Variants in WDPCP observed in about 807,000 individuals in gnomAD.
WDPCP encodes the protein WD repeat-containing and planar cell polarity effector protein fritz homolog.
WDPCP carries 71 observed loss-of-function variants against 93.1 expected under a neutral mutation model. That is an observed-to-expected ratio of 0.76 (90% confidence interval 0.63 to 0.93). WDPCP has a LOEUF of 0.93. Ranked by LOEUF, WDPCP falls within the 40% of genes least tolerant of loss-of-function variation. The pLI is 0.00. For missense variants in WDPCP, 844 were observed against 887.4 expected (o/e 0.95, Z 0.62); for synonymous variants, 315 against 315.0 (o/e 1.00, Z 0.00).
At chr2:63,292,948 T>G (rs996760985) in intron 13 of WDPCP, among the ~76,000 whole-genome samples, 1 of 152,312 alleles carries the variant, frequency 6.6e-6, no homozygotes, top group African/African-American at 2.4e-5. Context: ...GGTGGGCAAC[T>G]GTGCACACCT....
intron 13 of WDPCP, among the ~76,000 whole-genome samples, chr2:63,305,932 G>A (rs960964192): frequency 6.6e-6 from 1 of 151,986 alleles, no homozygotes; most frequent in African/African-American, 2.4e-5. Flanking sequence ...AGACACAAAT[G>A]ACCCTTCAAA....
intron 6 of WDPCP, among the ~76,000 whole-genome samples, chr2:63,448,890 T>C (rs72821619): frequency 0.049 from 7,521 of 152,204 alleles, 260 homozygotes; most frequent in East Asian, 0.089. Flanking sequence ...GGTCAAAAGG[T>C]ACAAAGTTTT....
intron 1 of WDPCP, among the ~76,000 whole-genome samples, chr2:63,575,606 C>T (rs116166980): frequency 0.025 from 3,609 of 144,728 alleles, 68 homozygotes; most frequent in South Asian, 0.04. Context: ...AGTATATATA[C>T]GGTATACTAC....
intron 2 of WDPCP, among the ~76,000 whole-genome samples, chr2:63,676,996 C>T (rs368303309): frequency 6.6e-6 from 1 of 152,038 alleles, no homozygotes; most frequent in African/African-American, 2.4e-5. Flanking sequence ...CCTGTGAATC[C>T]ATAATTATTT....
intron 6 of WDPCP, among the ~76,000 whole-genome samples, chr2:63,458,637 A>T (rs1299829601): frequency 6.6e-6 from 1 of 152,200 alleles, no homozygotes; most frequent in Non-Finnish European, 1.5e-5. Context: ...GGATTAAAAG[A>T]ATTAACATAG....
At chr2:63,422,487 C>T (rs1188150235) in intron 9 of WDPCP, among the ~76,000 whole-genome samples, 1 of 152,136 alleles carries the variant, frequency 6.6e-6, no homozygotes, top group East Asian at 1.9e-4. Flanking sequence ...AATAAACAGA[C>T]ATTTGTCCTG....
intron 2 of WDPCP, among the ~76,000 whole-genome samples, chr2:63,741,917 T>C (rs895135850): frequency 1.3e-5 from 2 of 152,062 alleles, no homozygotes; most frequent in Non-Finnish European, 2.9e-5. Context: ...ATACAACAGC[T>C]GGTGGTTAAT....
intron 12 of WDPCP, among the ~76,000 whole-genome samples, chr2:63,360,269 T>C (rs1690347347): frequency 6.6e-6 from 1 of 152,228 alleles, no homozygotes; most frequent in Admixed American, 6.5e-5. Flanking sequence ...TGTGTCTTGT[T>C]ATAATTGCAG....
At chr2:63,760,242 A>G (rs1397748677) in intron 2 of WDPCP, among the ~76,000 whole-genome samples, 2 of 152,174 alleles carry the variant, frequency 1.3e-5, no homozygotes, top group East Asian at 3.9e-4. Context: ...ATGAGGCCTT[A>G]TGAGACTGCA....
At chr2:63,211,850 AGTGGAATAAAGG>A (rs1559207466) in intron 14 of WDPCP, among the ~76,000 whole-genome samples, 1 of 152,202 alleles carries the variant, frequency 6.6e-6, no homozygotes, top group Non-Finnish European at 1.5e-5. Flanking sequence ...AATTCGATCA[AGTGGAATAAAGG>A]GTATCAGTGA....
chr2:63,755,246 C>T (rs1669945111), intron 2 of WDPCP, among the ~76,000 whole-genome samples: 1 of 152,180 alleles, frequency 6.6e-6, no homozygotes, highest in South Asian at 2.1e-4. Context: ...TATACAGGGA[C>T]CATGAGCCAA....
intron 13 of WDPCP, among the ~76,000 whole-genome samples, chr2:63,311,329 TA>T (rs1185799135): frequency 6.6e-6 from 1 of 152,170 alleles, no homozygotes; most frequent in Non-Finnish European, 1.5e-5. Flanking sequence ...GACCTCTGGC[TA>T]GATGAAATTT....
chr2:63,392,594 C>T (rs1377366297), intron 10 of WDPCP, among the ~76,000 whole-genome samples: 1 of 152,162 alleles, frequency 6.6e-6, no homozygotes, highest in Non-Finnish European at 1.5e-5. Flanking sequence ...TTAGAGTGAA[C>T]AGGCAACCTA....
chr2:63,360,515 C>A (rs968068842), intron 12 of WDPCP, among the ~76,000 whole-genome samples: 72 of 152,294 alleles, frequency 4.7e-4, no homozygotes, highest in African/African-American at 1.7e-3. Context: ...ACAGAGATTT[C>A]TCTTAGACAT....
chr2:63,316,443 A>G (rs1391896723), intron 12 of WDPCP, among the ~76,000 whole-genome samples: 1 of 152,110 alleles, frequency 6.6e-6, no homozygotes, highest in African/African-American at 2.4e-5. Flanking sequence ...ACTTGAGGCT[A>G]AAAGTTCAAG....
intron 10 of WDPCP, among the ~76,000 whole-genome samples, chr2:63,389,390 C>T (rs527559011): frequency 1.3e-5 from 2 of 152,258 alleles, no homozygotes; most frequent in African/African-American, 4.8e-5. Context: ...ACAAGAGCTC[C>T]TAAAGGAAGC....
intron 14 of WDPCP, among the ~76,000 whole-genome samples, chr2:63,231,156 A>T (rs1678837738): frequency 6.6e-6 from 1 of 152,162 alleles, no homozygotes; most frequent in African/African-American, 2.4e-5. Flanking sequence ...CCACATGTAA[A>T]CTAGGTATTC....
intron 2 of WDPCP, among the ~76,000 whole-genome samples, chr2:63,714,350 G>C (rs997262180): frequency 2.0e-5 from 3 of 151,988 alleles, no homozygotes; most frequent in African/African-American, 4.8e-5. Context: ...TTACAGGCTT[G>C]AGCCACCGCG....
At chr2:63,327,711 A>G (rs1303056489) in intron 12 of WDPCP, among the ~76,000 whole-genome samples, 2 of 152,190 alleles carry the variant, frequency 1.3e-5, no homozygotes, top group African/African-American at 4.8e-5. Context: ...GAGTTGGGCA[A>G]CACGTCTTCT....
Sources: gnomAD v4.1 joint callset for allele counts (sites outside exome capture counted in the v4.1 genomes callset) on GRCh38, gnomAD v4.1.1 for gene constraint, MANE v1.5 for transcripts, NCBI Gene and HGNC (gene_info 2026-07-23, HGNC 2026-07-21) for gene names.